Variants in PPHLN1 observed in about 807,000 individuals in gnomAD.
The protein encoded by PPHLN1 is periphilin-1.
In PPHLN1, 29 loss-of-function variants were observed where a neutral mutation model predicts 51.3. The observed-to-expected ratio is 0.57, with a 90% CI of 0.42 to 0.77. The LOEUF is 0.77. Among genes scored for constraint, PPHLN1 ranks in the 30% least tolerant of loss-of-function variants. The pLI is 0.00. For synonymous variants in PPHLN1, 147 were observed against 147.8 expected (o/e 0.99, Z 0.04); for missense variants, 436 against 438.4 (o/e 0.99, Z 0.05).
chr12:42,382,910 GT>G (rs2076875553), intron 5 of PPHLN1, among the ~76,000 whole-genome samples: 1 of 152,150 alleles, frequency 6.6e-6, no homozygotes, highest in Non-Finnish European at 1.5e-5. Context: ...GGGATGAAGA[GT>G]TTTAAGTACA....
In PPHLN1 at chr12:42,384,893, G is replaced by A. The variant is rs370011874; in HGVS notation, c.512-47G>A. On this transcript the variant is annotated intron_variant, in intron 5 of 9. Transcript: ENST00000358314. ...CTGAGTTCTTCTCTTGTTCCTCTTG[G>A]GCACAGAGGTGCTGCTGTTAATTCC... 1.7e-5 allele frequency: 26 copies of A among 1,518,612 alleles called. No homozygotes were observed. The African/African-American group carries it at 2.3e-4, about 14-fold the overall frequency. 94.1% of individuals were successfully genotyped at this position (1,518,612 alleles called of 1,614,324 possible). A position where few individuals can be genotyped will look rare whatever the true frequency, so the allele number is the denominator to read the frequency against.
At chr12:42,329,106 T>G (rs116975820) in intron 1 of PPHLN1, among the ~76,000 whole-genome samples, 16,642 of 139,238 alleles carry the variant, frequency 0.12, 985 homozygotes, top group Non-Finnish European at 0.13. Flanking sequence ...TTTTTTTTTT[T>G]TTTGTGTGTG....
At chr12:42,429,598 CTTG>C (rs1484162440) in intron 9 of PPHLN1, among the ~76,000 whole-genome samples, 4 of 152,074 alleles carry the variant, frequency 2.6e-5, no homozygotes, top group Non-Finnish European at 4.4e-5. Context: ...CATATTCTGC[CTTG>C]TTGTTTGGTT....
At chr12:42,404,070 G>T (rs1419900179) in intron 9 of PPHLN1, among the ~76,000 whole-genome samples, 5 of 149,340 alleles carry the variant, frequency 3.3e-5, no homozygotes, top group Admixed American at 6.7e-5. Flanking sequence ...AGGTCTCACT[G>T]CATTCTCTAA....
intron 4 of PPHLN1, among the ~76,000 whole-genome samples, chr12:42,357,575 G>C (rs1199368152): frequency 6.6e-6 from 1 of 152,162 alleles, no homozygotes; most frequent in Non-Finnish European, 1.5e-5. Context: ...ATTGGAAGCT[G>C]ATATATCCAA....
At chr12:42,345,943 T>G (rs907315953) in intron 2 of PPHLN1, among the ~76,000 whole-genome samples, 2 of 152,150 alleles carry the variant, frequency 1.3e-5, no homozygotes, top group African/African-American at 4.8e-5. Context: ...TTAAATTTTA[T>G]TGTGTATATT....
At chr12:42,400,798 T>TCTCTCACACACACA (rs1372615565) in intron 9 of PPHLN1, among the ~76,000 whole-genome samples, 1 of 142,522 alleles carries the variant, frequency 7.0e-6, no homozygotes, top group African/African-American at 2.6e-5. Context: ...TCTCTCTCTT[T>TCTCTCACACACACA]CACACACACA....
intron 4 of PPHLN1, among the ~76,000 whole-genome samples, chr12:42,357,163 C>T (rs1398782105): frequency 6.6e-6 from 1 of 152,034 alleles, no homozygotes; most frequent in African/African-American, 2.4e-5. Flanking sequence ...ACATCCTTAG[C>T]GAGGAAGACT....
chr12:42,409,450 T>C lies in PPHLN1; in HGVS notation c.909+10456T>C, dbSNP rs145934241. 2.1e-3 allele frequency among the ~76,000 whole-genome samples: 320 copies of C among 152,270 alleles called. 2 individuals carry two copies. The highest frequency in any genetic ancestry group is 7.2e-3 in the African/African-American group (299 of 41,566). ...AGACCTGATTTTTGTACAGATGTCT[T>C]TTAAAGGTTAATGTGCTTGGGAAAC... On this transcript the variant is annotated intron_variant, in intron 9 of 9. Coordinates refer to ENST00000358314, the MANE Select transcript of PPHLN1 (RefSeq NM_201439.2).
chr12:42,359,606 A>G (rs2074404503), intron 4 of PPHLN1: 3 of 152,222 alleles, frequency 2.0e-5, no homozygotes. Flanking sequence ...AGGTGGGCTC[A>G]TTGACGATTT....
chr12:42,332,655 T>C, intron 1 of PPHLN1: 1 of 1,572,434 alleles, frequency 6.4e-7, no homozygotes, highest in East Asian at 2.3e-5. Flanking sequence ...TTCCCCCCCT[T>C]ACAGGAAATT....
chr12:42,353,831 A>G (rs2073705729), intron 3 of PPHLN1, among the ~76,000 whole-genome samples: 2 of 152,110 alleles, frequency 1.3e-5, no homozygotes, highest in South Asian at 2.1e-4. Flanking sequence ...TTTTTTTTCT[A>G]AAAACTTGTA....
At chr12:42,427,921 A>C (rs1464942404) in intron 9 of PPHLN1, among the ~76,000 whole-genome samples, 2 of 152,212 alleles carry the variant, frequency 1.3e-5, no homozygotes, top group Non-Finnish European at 2.9e-5. Flanking sequence ...AAGAAAAAAA[A>C]CAATCACATC....
intron 1 of PPHLN1, among the ~76,000 whole-genome samples, chr12:42,328,942 A>C (rs562961173): frequency 6.6e-6 from 1 of 152,146 alleles, no homozygotes; most frequent in South Asian, 2.1e-4. Context: ...TTGAACTCTC[A>C]ACCTCAAATG....
intron 2 of PPHLN1, among the ~76,000 whole-genome samples, chr12:42,346,229 C>T (rs11181447): frequency 0.16 from 24,713 of 152,052 alleles, 2,057 homozygotes; most frequent in Admixed American, 0.2. Context: ...TACCATTCCC[C>T]ATTTCTTCCC....
intron 9 of PPHLN1, among the ~76,000 whole-genome samples, chr12:42,437,263 T>C (rs754185173): frequency 1.4e-4 from 21 of 152,196 alleles, no homozygotes; most frequent in South Asian, 4.1e-4. Flanking sequence ...AGAGAACTTA[T>C]CAACTCTAAC....
At chr12:42,430,032 C>G (rs1321298840) in intron 9 of PPHLN1, among the ~76,000 whole-genome samples, 1 of 152,090 alleles carries the variant, frequency 6.6e-6, no homozygotes, top group African/African-American at 2.4e-5. Context: ...AATGAGGTAA[C>G]CAATGGCCGG....
At chr12:42,360,530 C>CT (rs1565821788) in intron 4 of PPHLN1, among the ~76,000 whole-genome samples, 1 of 121,000 alleles carries the variant, frequency 8.3e-6, no homozygotes, top group African/African-American at 3.2e-5. Context: ...AGGTCTCACT[C>CT]TGTCACCCAG....
downstream of PPHLN1, chr12:42,446,723 G>A: frequency 1.4e-6 from 2 of 1,436,252 alleles, no homozygotes; most frequent in South Asian, 1.4e-5. Context: ...GGTCAGGTTG[G>A]TAGGAGAAGC....
Sources: gnomAD v4.1 joint callset for allele counts (sites outside exome capture counted in the v4.1 genomes callset) on GRCh38, gnomAD v4.1.1 for gene constraint, MANE v1.5 for transcripts, NCBI Gene and HGNC (gene_info 2026-07-23, HGNC 2026-07-21) for gene names.